The following ERCC1 variants were observed in gnomAD, a reference collection of about 807,000 sequenced individuals.
The protein encoded by ERCC1 is DNA excision repair protein ERCC-1.
Under a neutral mutation model 37.6 loss-of-function variants are expected in ERCC1, and 36 were observed. The observed-to-expected ratio is 0.96, with a 90% confidence interval of 0.73 to 1.26. The LOEUF is 1.26. Among genes scored for constraint, ERCC1 ranks in the 50% most tolerant of loss-of-function variants. The pLI, the probability that ERCC1 is intolerant of heterozygous loss-of-function variation, is 0.00. For missense variants in ERCC1, 349 were observed against 376.5 expected, an observed-to-expected ratio of 0.93 and a Z score of 0.60; for synonymous variants, 156 against 162.1, an observed-to-expected ratio of 0.96 and a Z score of 0.28.
intron 1 of ERCC1, among the ~76,000 whole-genome samples, chr19:45,441,498 C>A (rs563296801): frequency 2.0e-5 from 3 of 152,076 alleles, no homozygotes; most frequent in Non-Finnish European, 2.9e-5. Flanking sequence ...CTAAAATTTT[C>A]GAGTAGCTGG....
rs1197165668 is a variant in ERCC1, at chr19:45,408,153, C to T, written c.*1522G>A. ...TGTAGCTTCAATGGGCGGCATGTGC[C>T]TCTCTCTGGCTCCCAGATCGTCAAG... On this transcript the variant is annotated 3_prime_UTR_variant, in exon 10 of 10. Coordinates refer to ENST00000300853, the MANE Select transcript of ERCC1 (RefSeq NM_001983.4). The T allele has an allele frequency of 2.5e-6, 4 of 1,603,550 alleles. No homozygotes were observed. Among genetic ancestry groups the T allele is most frequent in the East Asian group, 2.2e-5 (1 of 44,642 alleles).
At chr19:45,418,845 C>CAAACAT (rs1974223614) in intron 5 of ERCC1, among the ~76,000 whole-genome samples, 1 of 150,176 alleles carries the variant, frequency 6.7e-6, no homozygotes, top group African/African-American at 2.5e-5. Context: ...CAAACAAACA[C>CAAACAT]AAAACAAAAA....
At chr19:45,411,562 G>C (rs1191442116) in intron 9 of ERCC1, among the ~76,000 whole-genome samples, 3 of 152,032 alleles carry the variant, frequency 2.0e-5, no homozygotes, top group African/African-American at 7.2e-5. Context: ...GGGAGACCGA[G>C]GTGGGTGGAT....
At chr19:45,419,306 CAG>C in intron 4 of ERCC1, 109 bp from the exon 5 acceptor site, 1 of 801,012 alleles carries the variant, frequency 1.2e-6, no homozygotes. Context: ...GCATGGGGGA[CAG>C]AGGGTCCTGA....
rs767797029 is a variant in ERCC1 at position 45,407,821 on chromosome 19, C to T, written c.*1854G>A. On this transcript the variant is annotated 3_prime_UTR_variant, in exon 10 of 10. Coordinates refer to ENST00000300853, the MANE Select transcript of ERCC1 (RefSeq NM_001983.4). ...CCTGTAATCCCATCCTTTGGGAGGC[C>T]GAGGCGAGCAGATCACTTGAGGTCA... 1.1e-5 allele frequency: 3 copies of T among 271,254 alleles called. No homozygotes were observed. Among genetic ancestry groups the T allele is most frequent in the South Asian group, 1.2e-4 (1 of 8,556 alleles). The allele number at this position is 271,254 out of a possible 1,614,324, so 16.8% of individuals were successfully genotyped here. A position where few individuals can be genotyped will look rare whatever the true frequency, so the allele number is the denominator to read the frequency against.
At chr19:45,415,806 G>A (rs1242330362) in intron 6 of ERCC1, 1 of 455,716 alleles carries the variant, frequency 2.2e-6, no homozygotes, top group Non-Finnish European at 4.4e-6. Flanking sequence ...GGTAACCCTG[G>A]GCCAGTGGTT....
Position 45,423,798 on chromosome 19 carries a change from C to A in ERCC1, c.-25G>T. 2.7e-6 allele frequency: 3 copies of A among 1,120,470 alleles called. No individual in the cohort carries two copies. The highest frequency in any genetic ancestry group is 4.5e-5 in the Admixed American group (1 of 22,180). The allele number at this position is 1,120,470 out of a possible 1,614,324, so 69.4% of individuals were successfully genotyped here. On this transcript the variant is annotated 5_prime_UTR_variant, in exon 1 of 10. Coordinates refer to ENST00000300853, the MANE Select transcript of ERCC1 (RefSeq NM_001983.4). ...TCCCGCACCTGTGGTCCGGGCCTCA[C>A]GGTTTCAGCGCCGCGAGGCCTCACC...
chr19:45,441,933 C>T lies in ERCC1; in HGVS notation c.-7-18552G>A, dbSNP rs576913602. 7.9e-5 allele frequency among the ~76,000 whole-genome samples: 12 copies of T among 152,172 alleles called. No homozygotes were observed. The South Asian group carries it at 1.2e-3, about 16-fold the overall frequency. ...TCCTGACCTCATGATCCGCCTGCCTCGGCCTCCCAAAGTGCTGGGATTACA... is the reference window on the plus strand; with the variant it reads ...TCCTGACCTCATGATCCGCCTGCCTTGGCCTCCCAAAGTGCTGGGATTACA... On this transcript the variant is annotated intron_variant, in intron 1 of 8. Transcript: ENST00000423698.
intron 1 of ERCC1, among the ~76,000 whole-genome samples, chr19:45,433,683 G>A (rs1414999804): frequency 1.4e-5 from 2 of 146,326 alleles, no homozygotes; most frequent in African/African-American, 2.5e-5. Flanking sequence ...GCAAGACTCT[G>A]TCTTTAAAAA....
At position 45,408,999 on chromosome 19, in the gene ERCC1, C is replaced by A; in HGVS notation, c.*676G>T. 6.2e-7 allele frequency: 1 copy of A among 1,613,958 alleles called. No individual in the cohort carries two copies. ...CAGATGGCAATGATGGAGCCAGGGACGGAGGCGATGGAGCCAGTGGAGCCG... is the reference window on the plus strand; with the variant it reads ...CAGATGGCAATGATGGAGCCAGGGAAGGAGGCGATGGAGCCAGTGGAGCCG... On this transcript the variant is annotated 3_prime_UTR_variant, in exon 10 of 10. Transcript: ENST00000300853.
chr19:45,413,369 C>A, intron 9 of ERCC1: 1 of 594,252 alleles, frequency 1.7e-6, no homozygotes, highest in Middle Eastern at 4.5e-4. Flanking sequence ...TGGGCTCAAG[C>A]GATCCTCCCA....
At chr19:45,410,616 C>T (rs938275880) in intron 9 of ERCC1, 3 of 126,716 alleles carry the variant, frequency 2.4e-5, no homozygotes, top group African/African-American at 3.4e-5. Flanking sequence ...TAACCTTCCC[C>T]ATCTCCCTGC....
At chr19:45,447,518 AC>A (rs1966985822) in intron 1 of ERCC1, among the ~76,000 whole-genome samples, 1 of 151,964 alleles carries the variant, frequency 6.6e-6, no homozygotes, top group Non-Finnish European at 1.5e-5. Context: ...CAGGTGGTCC[AC>A]CTGCCTCCGC....
At position 45,407,662 on chromosome 19, in the gene ERCC1, G is replaced by A; in HGVS notation, c.*2013C>T. On this transcript the variant is annotated 3_prime_UTR_variant, in exon 10 of 10. Coordinates refer to ENST00000300853, the MANE Select transcript of ERCC1 (RefSeq NM_001983.4). ...TAAATATTCTGTAATTATAATTGGT[G>A]GTCAGCCTGGGATGTGGTTATTTTC... 1 of 253,086 alleles carries A rather than the reference G, an allele frequency of 4.0e-6. No individual in the cohort carries two copies. Among genetic ancestry groups the A allele is most frequent in the Non-Finnish European group, 7.6e-6 (1 of 132,436 alleles). The allele number at this position is 253,086 out of a possible 1,614,324, so 15.7% of individuals were successfully genotyped here.
Position 45,409,246 on chromosome 19 carries a change from GAAGA to G in ERCC1, c.*425_*428del, listed in dbSNP as rs778473284. On this transcript the variant is annotated 3_prime_UTR_variant, in exon 10 of 10. Coordinates refer to ENST00000300853, the MANE Select transcript of ERCC1 (RefSeq NM_001983.4). ...CCACATCCACCAAGAAGAAGAAGAA[GAAGA>G]AAGAGAGAGGTCACACAGTGACTGA... 17 of 1,613,616 alleles carry G rather than the reference GAAGA, an allele frequency of 1.1e-5. No individual in the cohort carries two copies. The highest frequency in any genetic ancestry group is 2.2e-5 in the South Asian group (2 of 91,034).
At chr19:45,416,686 T>C (rs551770527) in intron 6 of ERCC1, 135 bp downstream of exon 6, 2 of 675,712 alleles carry the variant, frequency 3.0e-6, no homozygotes, top group Non-Finnish European at 5.3e-6. Context: ...ATGAGGAAAC[T>C]GAAGGCCAGA....
intron 9 of ERCC1, 80 bp from the exon 10 acceptor site, chr19:45,409,805 T>C (rs571690012): frequency 2.8e-6 from 2 of 719,764 alleles, no homozygotes; most frequent in South Asian, 3.0e-5. Flanking sequence ...GGGGTTTTGG[T>C]TCTTTATTTT....
At position 45,419,207 on chromosome 19, in the gene ERCC1, G is replaced by A. The variant is rs1410221082; in HGVS notation, c.426-10C>T. ...GTTGTGGTAGCGGAGGCTGGTGGGG[G>A]CAGGGAGCGGGAGTTGAGAGGTCTC... On this transcript the variant is annotated splice_polypyrimidine_tract_variant and intron_variant, in intron 4 of 9. Transcript: ENST00000300853. 5.7e-6 allele frequency: 9 copies of A among 1,571,966 alleles called. No homozygotes were observed. Among genetic ancestry groups the A allele is most frequent in the South Asian group, 3.5e-5 (3 of 86,618 alleles).
In ERCC1 at chr19:45,434,156, A is replaced by ACAC. The variant is rs548145676; in HGVS notation, c.-7-10776_-7-10775insGTG. ...GAATGTCTCACACACACACACACAC[A>ACAC]AAAAAAAAAAAAAAAAAAAAGAGGA... On this transcript the variant is annotated intron_variant, in intron 1 of 8. Transcript: ENST00000423698. Among the ~76,000 whole-genome samples, 107 of 95,644 alleles carry ACAC rather than the reference A, an allele frequency of 1.1e-3. 1 individual carries two copies. Among genetic ancestry groups the ACAC allele is most frequent in the South Asian group, 9.2e-3 (26 of 2,818 alleles). 62.7% of individuals were successfully genotyped at this position (95,644 alleles called of 152,430 possible).
Sources: allele counts gnomAD v4.1 joint callset (sites outside exome capture counted in the v4.1 genomes callset), GRCh38; gene constraint gnomAD v4.1.1; transcripts MANE v1.5; gene names NCBI Gene and HGNC (gene_info 2026-07-23, HGNC 2026-07-21).